SYT13: variants seen among roughly 807,000 people sequenced by gnomAD.
SYT13 encodes the protein synaptotagmin 13.
In SYT13, 21 loss-of-function variants were observed where a neutral mutation model predicts 38.6. The ratio of observed to expected loss-of-function variants is 0.54; its 90% confidence interval spans 0.39 to 0.78. The LOEUF (loss-of-function observed/expected upper bound fraction) is 0.78. SYT13 is among the 30% of genes least tolerant of loss of function. The pLI is 0.00. For synonymous variants in SYT13, 241 were observed against 237.6 expected (o/e 1.01, Z -0.13); for missense variants, 495 against 548.7 (o/e 0.90, Z 0.98).
In SYT13 at chr11:45,252,601, C is replaced by G; in HGVS notation, c.666G>C (p.Glu222Asp). The G allele has an allele frequency of 1.9e-6, 3 of 1,614,190 alleles. No homozygotes were observed. The highest frequency in any genetic ancestry group is 2.2e-5 in the East Asian group (1 of 44,874). ...CCGCCAGGGGGAGCACCAGGCCCTC[C>G]TCCCAGGTGGTGTGCAGCTGCCGCT... ...LKKRQLHTTW[E>D]EGLVLPLAEE... The change falls in exon 4 of 6, where the codon GAG (glutamate) becomes GAC (aspartate). Residue 222 changes from glutamate (E) to aspartate (D), a missense_variant. Physicochemically the swap from Glu to Asp is conservative, Grantham distance 45 (BLOSUM62 2). Transcript: ENST00000020926. The surrounding 1 kb of genome is among the most constrained non-coding windows in gnomAD (Gnocchi z 4.3).
chr11:45,248,245 A>G (rs1237284112), intron 4 of SYT13, among the ~76,000 whole-genome samples: 3 of 152,252 alleles, frequency 2.0e-5, no homozygotes, highest in African/African-American at 7.2e-5. Context: ...CTGTGTGTGA[A>G]GTGCAATTAC....
chr11:45,261,552 C>G (rs1462116575), intron 1 of SYT13, among the ~76,000 whole-genome samples: 1 of 151,582 alleles, frequency 6.6e-6, no homozygotes, highest in Admixed American at 6.6e-5. Flanking sequence ...GAGCTGAGAT[C>G]GCGCCACTGC....
intron 1 of SYT13, among the ~76,000 whole-genome samples, chr11:45,262,194 T>G (rs761646898): frequency 3.7e-4 from 56 of 152,174 alleles, no homozygotes; most frequent in Non-Finnish European, 7.2e-4. Flanking sequence ...GAGGACATGA[T>G]GCCAAGTGAA....
In SYT13 at chr11:45,252,305, G is replaced by T; in HGVS notation, c.846+116C>A. Reference sequence around the variant, plus strand: ...ATTCCAACCTCCCTTCCAGCCCCAAGCCAGGGAGGTCTCTGAGGCTTGTTC... The same window carrying T: ...ATTCCAACCTCCCTTCCAGCCCCAATCCAGGGAGGTCTCTGAGGCTTGTTC... On this transcript the variant is annotated intron_variant, in intron 4 of 5. Transcript: ENST00000020926. The surrounding 1 kb of genome is among the most constrained non-coding windows in gnomAD (Gnocchi z 4.3). 7.9e-7 allele frequency: 1 copy of T among 1,270,724 alleles called. No individual in the cohort carries two copies. Among genetic ancestry groups the T allele is most frequent in the Non-Finnish European group, 1.1e-6 (1 of 934,046 alleles). The allele number at this position is 1,270,724 out of a possible 1,614,324, so 78.7% of individuals were successfully genotyped here. A position where few individuals can be genotyped will look rare whatever the true frequency, so the allele number is the denominator to read the frequency against.
At chr11:45,271,928 A>G (rs1272976731) in intron 1 of SYT13, among the ~76,000 whole-genome samples, 2 of 152,260 alleles carry the variant, frequency 1.3e-5, no homozygotes, top group Non-Finnish European at 2.9e-5. Flanking sequence ...ACAATAGCAA[A>G]GACTTGGAAT....
At chr11:45,253,958 A>G (rs1266119590) in intron 3 of SYT13, 7 of 212,038 alleles carry the variant, frequency 3.3e-5, no homozygotes, top group Non-Finnish European at 4.6e-5. Context: ...TTCTCCTTCC[A>G]TCTGCCAGAT....
chr11:45,254,744 CCAG>C, intron 2 of SYT13: 2 of 205,436 alleles, frequency 9.7e-6, no homozygotes, highest in South Asian at 1.5e-4. Context: ...TCCCCAGTGC[CCAG>C]CAGCAGCATA....
In SYT13 at chr11:45,252,695, C is replaced by T; in HGVS notation, c.572G>A (p.Cys191Tyr). ...CACACTCCCTTGGACGTAGCAGTCA[C>T]AGCCTCCGTCGTGGTTGCTGGTCAC... ...EAVTSNHDGG[C>Y]DCYVQGSVAN... The change falls in exon 4 of 6, where the codon TGT becomes TAT. Residue 191 changes from cysteine to tyrosine, a missense_variant. By Grantham distance (194) the Cys-to-Tyr change is radical. Coordinates refer to ENST00000020926, the MANE Select transcript of SYT13 (RefSeq NM_020826.3). The surrounding 1 kb of genome is among the most constrained non-coding windows in gnomAD (Gnocchi z 4.3). 6.3e-7 allele frequency: 1 copy of T among 1,585,730 alleles called. No homozygotes were observed. The highest frequency in any genetic ancestry group is 8.6e-7 in the Non-Finnish European group (1 of 1,159,596).
At chr11:45,264,442 T>C (rs983702003) in intron 1 of SYT13, among the ~76,000 whole-genome samples, 1 of 152,208 alleles carries the variant, frequency 6.6e-6, no homozygotes, top group Non-Finnish European at 1.5e-5. Flanking sequence ...TAAAACACAC[T>C]GCAATGTTGA....
At chr11:45,265,738 T>C (rs945607819) in intron 1 of SYT13, among the ~76,000 whole-genome samples, 2 of 152,118 alleles carry the variant, frequency 1.3e-5, no homozygotes, top group Non-Finnish European at 2.9e-5. Context: ...CCTAATATCA[T>C]AGCCTTTGGG....
At chr11:45,284,319 C>A (rs1043346574) in intron 1 of SYT13, among the ~76,000 whole-genome samples, 1 of 152,142 alleles carries the variant, frequency 6.6e-6, no homozygotes, top group African/African-American at 2.4e-5. Flanking sequence ...CAGCTCTAGG[C>A]AAGTCAGTTA....
At position 45,255,748 on chromosome 11, in the gene SYT13, A is replaced by C; in HGVS notation, c.327T>G (p.Thr109=). ...TCGGGGGTTGGGGGCTGGCAGGTGC[A>C]GTGGGCTCCTCCGTAGACCTCAGTG... ...DYSLRSTEEP[T]APASPQPPND... The change falls in exon 2 of 6, where the codon ACT becomes ACG. Residue 109 remains threonine, a synonymous_variant. Coordinates refer to ENST00000020926, the MANE Select transcript of SYT13 (RefSeq NM_020826.3). 6.2e-7 allele frequency: 1 copy of C among 1,614,176 alleles called. No homozygotes were observed.
At chr11:45,267,196 A>T (rs985745844) in intron 1 of SYT13, among the ~76,000 whole-genome samples, 1 of 152,208 alleles carries the variant, frequency 6.6e-6, no homozygotes, top group African/African-American at 2.4e-5. Context: ...ATTCAGACCC[A>T]GGCTGACTCG....
intron 1 of SYT13, among the ~76,000 whole-genome samples, chr11:45,269,223 CG>C (rs1854920083): frequency 6.6e-6 from 1 of 152,074 alleles, no homozygotes; most frequent in African/African-American, 2.4e-5. Flanking sequence ...ACAGTCAGTC[CG>C]CAGGTGCAAT....
At chr11:45,275,816 T>A (rs1364937715) in intron 1 of SYT13, among the ~76,000 whole-genome samples, 1 of 151,300 alleles carries the variant, frequency 6.6e-6, no homozygotes, top group East Asian at 1.9e-4. Flanking sequence ...TTGGGGGGAA[T>A]TTTAGTGGGA....
At chr11:45,246,549 C>T (rs750476703) in intron 4 of SYT13, 37 bp from the exon 5 acceptor site, 2 of 1,606,092 alleles carry the variant, frequency 1.2e-6, no homozygotes, top group East Asian at 2.2e-5. Flanking sequence ...GGGAGTCTCA[C>T]CTGGGGACGC....
intron 1 of SYT13, among the ~76,000 whole-genome samples, chr11:45,281,484 G>A (rs1431534040): frequency 6.6e-6 from 1 of 152,110 alleles, no homozygotes; most frequent in Non-Finnish European, 1.5e-5. Context: ...TAGCCAACAT[G>A]GCAAAGCCTC....
intron 1 of SYT13, among the ~76,000 whole-genome samples, chr11:45,283,887 A>C (rs1430588351): frequency 6.6e-6 from 1 of 152,258 alleles, no homozygotes; most frequent in Non-Finnish European, 1.5e-5. Context: ...AATAAATATT[A>C]TACACCAGTA....
chr11:45,257,475 A>C (rs555918964), intron 1 of SYT13, among the ~76,000 whole-genome samples: 68 of 152,288 alleles, frequency 4.5e-4, no homozygotes, highest in African/African-American at 1.6e-3. Context: ...TCCATGGCTG[A>C]AGCGAGTAGT....
Sources: allele counts gnomAD v4.1 joint callset (sites outside exome capture counted in the v4.1 genomes callset), GRCh38; gene constraint gnomAD v4.1.1; non-coding constraint Gnocchi (gnomAD v3.1); transcripts MANE v1.5; gene names NCBI Gene and HGNC (gene_info 2026-07-23, HGNC 2026-07-21).